SMYD3: variants seen among roughly 807,000 people sequenced by gnomAD.
SMYD3 encodes histone-lysine N-methyltransferase SMYD3.
Under a neutral mutation model 57.7 loss-of-function variants are expected in SMYD3, and 36 were observed. The ratio of observed to expected loss-of-function variants is 0.62; its 90% CI spans 0.48 to 0.82. The LOEUF (loss-of-function observed/expected upper bound fraction) is 0.82, where lower values mean the gene tolerates loss of function less well. Ranked by LOEUF, SMYD3 falls within the 40% of genes least tolerant of loss-of-function variation. The probability of loss-of-function intolerance (pLI) is 0.00; values close to 1 mark genes in which losing one functional copy is unlikely to be tolerated. For missense variants in SMYD3, 515 were observed against 538.8 expected (o/e 0.96, Z 0.44); for synonymous variants, 211 against 195.0 (o/e 1.08, Z -0.68).
intron 5 of SMYD3, among the ~76,000 whole-genome samples, chr1:246,277,979 G>A (rs142501755): frequency 2.2e-4 from 33 of 152,200 alleles, no homozygotes; most frequent in African/African-American, 7.9e-4. Flanking sequence ...ATACATATTT[G>A]TTAATACCCA....
chr1:246,507,001 C>CCCCCCCCCCCCCCCCCCA, intron 1 of SMYD3, 53 bp downstream of exon 1: 1 of 1,159,192 alleles, frequency 8.6e-7, no homozygotes. Flanking sequence ...CCCCCCCTCC[C>CCCCCCCCCCCCCCCCCCA]CAGCACCCCA....
In SMYD3 at chr1:246,405,190, G is replaced by C. The variant is rs140189024; in HGVS notation, c.165-50096C>G. On this transcript the variant is annotated intron_variant, in intron 1 of 11. Coordinates refer to ENST00000490107, the MANE Select transcript of SMYD3 (RefSeq NM_001167740.2). ...TGGTCTCAAACTCCTGGACTCAAGTGATCTGCTCATTTCAGCCTCCCAAAG... is the reference window on the plus strand; with the variant it reads ...TGGTCTCAAACTCCTGGACTCAAGTCATCTGCTCATTTCAGCCTCCCAAAG... Among the ~76,000 whole-genome samples the C allele has an allele frequency of 4.1e-3, 624 of 152,194 alleles. 5 individuals are homozygous for C. The highest frequency in any genetic ancestry group is 6.8e-3 in the Non-Finnish European group (464 of 68,010).
In SMYD3 at chr1:246,375,325, CT is replaced by C. The variant is rs60882470; in HGVS notation, c.165-20232del. ...AATGAACTACATTTCTAATGAGAGA[CT>C]TTTTTTTTTTTTTTTTTTTTTTTTT... On this transcript the variant is annotated intron_variant, in intron 1 of 11. Coordinates refer to ENST00000490107, the MANE Select transcript of SMYD3 (RefSeq NM_001167740.2). Among the ~76,000 whole-genome samples the C allele has an allele frequency of 7.2e-3, 448 of 62,236 alleles. 3 individuals carry two copies. Among genetic ancestry groups the C allele is most frequent in the Middle Eastern group, 0.017 (1 of 58 alleles). 40.8% of individuals were successfully genotyped at this position (62,236 alleles called of 152,430 possible).
At chr1:245,884,499 T>C (rs1490079455) in intron 8 of SMYD3, among the ~76,000 whole-genome samples, 1 of 152,066 alleles carries the variant, frequency 6.6e-6, no homozygotes, top group Non-Finnish European at 1.5e-5. Flanking sequence ...CCTGAGAGAT[T>C]GGGTGGACCA....
chr1:245,761,278 T>C (rs1225236085), intron 11 of SMYD3, among the ~76,000 whole-genome samples: 6 of 152,088 alleles, frequency 3.9e-5, no homozygotes, highest in Admixed American at 6.5e-5. Context: ...TAGGAAAAGC[T>C]AACATGATTA....
intron 8 of SMYD3, among the ~76,000 whole-genome samples, chr1:245,891,529 C>T (rs1389032118): frequency 1.3e-5 from 2 of 152,234 alleles, no homozygotes; most frequent in Admixed American, 1.3e-4. Context: ...TGCAGTGCCA[C>T]TCATGCTGTC....
chr1:245,900,364 G>A (rs187820895), intron 8 of SMYD3, among the ~76,000 whole-genome samples: 25 of 152,248 alleles, frequency 1.6e-4, no homozygotes, highest in Admixed American at 2.6e-4. Context: ...TAAAGTGTAG[G>A]TAGATATCCT....
intron 10 of SMYD3, among the ~76,000 whole-genome samples, chr1:245,768,206 T>A (rs1008372567): frequency 6.6e-5 from 10 of 152,228 alleles, no homozygotes; most frequent in African/African-American, 1.9e-4. Flanking sequence ...TCCAGAATGC[T>A]TGGCCTAGAT....
At chr1:246,012,150 G>C (rs969491353) in intron 5 of SMYD3, among the ~76,000 whole-genome samples, 1 of 152,180 alleles carries the variant, frequency 6.6e-6, no homozygotes, top group South Asian at 2.1e-4. Context: ...ATAAGGAAGA[G>C]AAATTCCTTT....
At chr1:246,145,483 A>T (rs2061828936) in intron 5 of SMYD3, among the ~76,000 whole-genome samples, 1 of 152,208 alleles carries the variant, frequency 6.6e-6, no homozygotes, top group South Asian at 2.1e-4. Flanking sequence ...CACTGGATTA[A>T]AGACAAGTTT....
At chr1:246,339,934 A>G (rs1374842648) in intron 2 of SMYD3, among the ~76,000 whole-genome samples, 1 of 152,228 alleles carries the variant, frequency 6.6e-6, no homozygotes, top group Admixed American at 6.5e-5. Flanking sequence ...CCCGGCCTCC[A>G]GAAACACCAG....
intron 10 of SMYD3, among the ~76,000 whole-genome samples, chr1:245,784,930 A>T (rs1219466042): frequency 2.0e-5 from 3 of 148,790 alleles, no homozygotes; most frequent in Non-Finnish European, 3.0e-5. Context: ...GCTCACTGCA[A>T]CCTCCGCCTC....
intron 1 of SMYD3, among the ~76,000 whole-genome samples, chr1:246,491,265 C>T (rs1004440513): frequency 2.0e-5 from 3 of 152,132 alleles, no homozygotes; most frequent in South Asian, 4.1e-4. Context: ...CAGCCGGGCG[C>T]GGTGGATCAC....
chr1:245,816,465 C>G (rs59589215), intron 10 of SMYD3, among the ~76,000 whole-genome samples: 13,046 of 139,946 alleles, frequency 0.093, 1,943 homozygotes, highest in African/African-American at 0.32. Context: ...CAAAAGCCAG[C>G]TACAACCCAA....
At chr1:246,439,702 C>T (rs536984829) in intron 1 of SMYD3, among the ~76,000 whole-genome samples, 7 of 151,422 alleles carry the variant, frequency 4.6e-5, no homozygotes, top group South Asian at 2.1e-4. Flanking sequence ...GTACTAAGTA[C>T]TCTGGTAGGC....
chr1:245,818,029 T>G (rs1022104934), intron 10 of SMYD3, among the ~76,000 whole-genome samples: 2 of 151,904 alleles, frequency 1.3e-5, no homozygotes, highest in African/African-American at 4.8e-5. Flanking sequence ...AACATTCAGA[T>G]TCAGGAAATA....
At chr1:245,946,547 A>C (rs988278516) in intron 5 of SMYD3, among the ~76,000 whole-genome samples, 2 of 152,346 alleles carry the variant, frequency 1.3e-5, no homozygotes. Context: ...AAGAGAACTC[A>C]ACAGACGCTT....
chr1:246,196,201 T>C (rs1207651284), intron 5 of SMYD3, among the ~76,000 whole-genome samples: 6 of 152,138 alleles, frequency 3.9e-5, no homozygotes, highest in Admixed American at 1.3e-4. Flanking sequence ...GGTCTCCTGG[T>C]TGTTTCTAAA....
At chr1:245,826,040 T>C (rs200844702) in intron 10 of SMYD3, among the ~76,000 whole-genome samples, 10,014 of 138,524 alleles carry the variant, frequency 0.072, 791 homozygotes, top group East Asian at 0.18. Flanking sequence ...TAATTAAATA[T>C]TTGTTAAATA....
Sources: allele counts gnomAD v4.1 joint callset (sites outside exome capture counted in the v4.1 genomes callset), GRCh38; gene constraint gnomAD v4.1.1; transcripts MANE v1.5; gene names NCBI Gene and HGNC (gene_info 2026-07-23, HGNC 2026-07-21).